Variants in ATP9A observed in about 807,000 individuals in gnomAD.
The protein encoded by ATP9A is ATPase phospholipid transporting 9A.
Under a neutral mutation model 144.1 loss-of-function variants are expected in ATP9A, and 52 were observed. That is an observed-to-expected ratio of 0.36 (90% CI 0.29 to 0.45). The LOEUF (loss-of-function observed/expected upper bound fraction) is 0.45. Ranked by LOEUF, ATP9A falls within the 20% of genes least tolerant of loss-of-function variation. The probability of loss-of-function intolerance (pLI) is 1.00; values close to 1 mark genes in which losing one functional copy is unlikely to be tolerated. For missense variants in ATP9A, 947 were observed against 1,392.7 expected (o/e 0.68, Z 5.09); for synonymous variants, 582 against 557.4 (o/e 1.04, Z -0.62).
intron 13 of ATP9A, among the ~76,000 whole-genome samples, chr20:51,668,110 C>G (rs1423524169): frequency 4.6e-3 from 9 of 1,964 alleles, no homozygotes; most frequent in Admixed American, 0.015. Flanking sequence ...GGCGGAAGGG[C>G]TGGGAGTGGG....
At chr20:51,759,907 T>G (rs1414517642) in intron 1 of ATP9A, among the ~76,000 whole-genome samples, 1 of 152,080 alleles carries the variant, frequency 6.6e-6, no homozygotes, top group Non-Finnish European at 1.5e-5. Context: ...TCACAGTCAC[T>G]AATGGATGCG....
chr20:51,704,196 A>G (rs909482494), intron 4 of ATP9A, among the ~76,000 whole-genome samples: 6 of 151,776 alleles, frequency 4.0e-5, no homozygotes, highest in African/African-American at 1.5e-4. Flanking sequence ...AAAAAAAAAA[A>G]AAAAGGCTGC....
In ATP9A at chr20:51,625,257, C is replaced by T; in HGVS notation, c.1951G>A (p.Val651Met). 1.2e-6 allele frequency: 2 copies of T among 1,614,192 alleles called. No homozygotes were observed. Among genetic ancestry groups the T allele is most frequent in the African/African-American group, 1.3e-5 (1 of 75,076 alleles). Residue 651 changes from valine (V) to methionine (M), a missense_variant, in exon 18 of 28, where the codon GTG becomes ATG. Coordinates refer to ENST00000338821, the MANE Select transcript of ATP9A (RefSeq NM_006045.3). ...MEMELLCLTG[V>M]EDQLQADVRP... ...ACATCTGCCTGCAGCTGGTCCTCCA[C>T]GCCCGTCAGGCACAGCAGTTCCATC...
intron 1 of ATP9A, among the ~76,000 whole-genome samples, chr20:51,737,584 A>G (rs748023940): frequency 6.6e-6 from 1 of 152,140 alleles, no homozygotes; most frequent in Non-Finnish European, 1.5e-5. Context: ...AAAAGATACT[A>G]CTCACAGTAT....
intron 4 of ATP9A, among the ~76,000 whole-genome samples, chr20:51,702,799 G>A (rs1453981759): frequency 6.6e-6 from 1 of 152,152 alleles, no homozygotes; most frequent in Non-Finnish European, 1.5e-5. Context: ...ACAAGATACG[G>A]AGAAGTAACC....
At chr20:51,711,282 G>C (rs2077637360) in intron 4 of ATP9A, among the ~76,000 whole-genome samples, 3 of 152,056 alleles carry the variant, frequency 2.0e-5, no homozygotes, top group Admixed American at 2.0e-4. Flanking sequence ...CTAAAACAAA[G>C]TATTTTCATA....
chr20:51,767,694 G>T (rs920592326), intron 1 of ATP9A, among the ~76,000 whole-genome samples: 1 of 152,138 alleles, frequency 6.6e-6, no homozygotes, highest in Non-Finnish European at 1.5e-5. Flanking sequence ...TCACCAAGCG[G>T]CCAGTAGGAG....
intron 1 of ATP9A, chr20:51,732,653 CCTTT>C (rs1365246261): frequency 6.6e-6 from 1 of 152,114 alleles, no homozygotes; most frequent in South Asian, 2.1e-4. Flanking sequence ...CTTGTTGGCC[CCTTT>C]CTAAGTTGTC....
chr20:51,744,958 T>C (rs1024828321), intron 1 of ATP9A, among the ~76,000 whole-genome samples: 2 of 151,858 alleles, frequency 1.3e-5, no homozygotes. Flanking sequence ...GACGAAACCT[T>C]GTCTCTACTA....
chr20:51,676,738 C>A (rs1283989144), intron 9 of ATP9A, among the ~76,000 whole-genome samples: 2 of 152,114 alleles, frequency 1.3e-5, no homozygotes, highest in African/African-American at 2.4e-5. Context: ...CTCAGCCTCC[C>A]AGAGTGCTGG....
chr20:51,607,239 C>A (rs1406627470), intron 26 of ATP9A, among the ~76,000 whole-genome samples: 1 of 152,180 alleles, frequency 6.6e-6, no homozygotes, highest in Admixed American at 6.5e-5. Flanking sequence ...CAGAACATCC[C>A]AGAAAGCATC....
intron 14 of ATP9A, among the ~76,000 whole-genome samples, chr20:51,645,532 CAAACAAACA>C (rs2077338664): frequency 8.7e-6 from 1 of 115,238 alleles, no homozygotes; most frequent in Non-Finnish European, 2.0e-5. Context: ...CAAACAAAAA[CAAACAAACA>C]AAAAAAAAAC....
chr20:51,703,901 T>A (rs1347849637), intron 4 of ATP9A, among the ~76,000 whole-genome samples: 1 of 152,164 alleles, frequency 6.6e-6, no homozygotes, highest in Non-Finnish European at 1.5e-5. Flanking sequence ...CTAACCCTGG[T>A]TAATGTATTA....
Position 51,657,040 on chromosome 20 carries a change from G to A in ATP9A, c.1404C>T (p.Asn468=), listed in dbSNP as rs528790406. The A allele has an allele frequency of 9.3e-6, 15 of 1,614,204 alleles. No individual in the cohort carries two copies. The highest frequency in any genetic ancestry group is 6.7e-5 in the East Asian group (3 of 44,874). Residue 468 remains asparagine (N), a synonymous_variant, in exon 14 of 28, where the codon AAC becomes AAT. Coordinates refer to ENST00000338821, the MANE Select transcript of ATP9A (RefSeq NM_006045.3). The part of the protein sequence containing the change: ...EAVKAIALCH[N]VTPVYESNGV... ...CGTTGGACTCATACACGGGAGTCAC[G>A]TTGTGGCAGAGCGCGATGGCCTTCA...
intron 4 of ATP9A, among the ~76,000 whole-genome samples, chr20:51,704,803 A>AC (rs1193413582): frequency 1.3e-5 from 2 of 152,210 alleles, no homozygotes; most frequent in African/African-American, 2.4e-5. Flanking sequence ...AAACAAACAA[A>AC]AAAAAAACTT....
chr20:51,629,512 C>T (rs909781848), intron 15 of ATP9A, among the ~76,000 whole-genome samples: 1 of 152,132 alleles, frequency 6.6e-6, no homozygotes, highest in African/African-American at 2.4e-5. Context: ...CTGCAGGGCC[C>T]CTCCTGTGCA....
intron 11 of ATP9A, among the ~76,000 whole-genome samples, chr20:51,672,154 C>CT (rs1167325160): frequency 6.6e-6 from 1 of 152,090 alleles, no homozygotes; most frequent in Non-Finnish European, 1.5e-5. Context: ...CTTTTTCTGA[C>CT]TTTTGGGGGG....
At chr20:51,736,778 C>CA (rs1273931014) in intron 1 of ATP9A, among the ~76,000 whole-genome samples, 1 of 150,772 alleles carries the variant, frequency 6.6e-6, no homozygotes, top group African/African-American at 2.5e-5. Flanking sequence ...ATATTAACAA[C>CA]AACAAAAAAA....
At chr20:51,689,983 A>AGT (rs2077539809) in intron 8 of ATP9A, among the ~76,000 whole-genome samples, 1 of 151,166 alleles carries the variant, frequency 6.6e-6, no homozygotes, top group Non-Finnish European at 1.5e-5. Flanking sequence ...GTGGTGATGC[A>AGT]CACCTGGAAT....
Sources: allele counts gnomAD v4.1 joint callset (sites outside exome capture counted in the v4.1 genomes callset), GRCh38; gene constraint gnomAD v4.1.1; transcripts MANE v1.5; gene names NCBI Gene and HGNC (gene_info 2026-07-23, HGNC 2026-07-21).